The following LAMA1 variants were observed in gnomAD, a reference collection of about 807,000 sequenced individuals.
LAMA1 encodes laminin subunit alpha 1.
Under a neutral mutation model 348.7 loss-of-function variants are expected in LAMA1, and 219 were observed. The observed-to-expected ratio is 0.63, with a 90% CI of 0.56 to 0.70. LAMA1 has a LOEUF of 0.70. Ranked by LOEUF, LAMA1 falls within the 30% of genes least tolerant of loss-of-function variation. The probability of loss-of-function intolerance (pLI) is 0.00; values close to 1 mark genes in which losing one functional copy is unlikely to be tolerated. For missense variants in LAMA1, 3,744 were observed against 3,888.0 expected, an observed-to-expected ratio of 0.96 and a Z score of 0.99; for synonymous variants, 1,487 against 1,491.0, an observed-to-expected ratio of 1.00 and a Z score of 0.06.
intron 55 of LAMA1, chr18:6,957,187 T>C (rs1020995780): frequency 2.3e-5 from 7 of 300,112 alleles, no homozygotes; most frequent in African/African-American, 1.5e-4. Flanking sequence ...GGGCTACGCT[T>C]GTCACATGCA....
chr18:7,098,728 G>GC (rs540089633), intron 1 of LAMA1, among the ~76,000 whole-genome samples: 2,740 of 144,514 alleles, frequency 0.019, 105 homozygotes, highest in African/African-American at 0.067. Flanking sequence ...GGGGGGGTCA[G>GC]CCCCCCGCCC....
chr18:7,010,682 C>A (rs1156593748), intron 25 of LAMA1, among the ~76,000 whole-genome samples: 1 of 152,178 alleles, frequency 6.6e-6, no homozygotes, highest in East Asian at 1.9e-4. Context: ...ATTTCTCTAT[C>A]TCCAGGAGCA....
At chr18:7,024,018 T>C (rs1330274504) in intron 18 of LAMA1, among the ~76,000 whole-genome samples, 1 of 151,760 alleles carries the variant, frequency 6.6e-6, no homozygotes, top group African/African-American at 2.4e-5. Flanking sequence ...GTTTTTTTTT[T>C]CTTTTTGTAG....
intron 39 of LAMA1, among the ~76,000 whole-genome samples, chr18:6,983,576 G>A (rs764510026): frequency 2.0e-5 from 3 of 152,140 alleles, no homozygotes; most frequent in Non-Finnish European, 2.9e-5. Flanking sequence ...TGTCTAGGGC[G>A]CCACTGCATG....
chr18:7,014,993 C>T (rs796939580), intron 22 of LAMA1, among the ~76,000 whole-genome samples: 1 of 151,876 alleles, frequency 6.6e-6, no homozygotes, highest in Non-Finnish European at 1.5e-5. Flanking sequence ...ACTACAGGCG[C>T]CCATCACCAC....
intron 4 of LAMA1, 48 bp from the exon 5 acceptor site, chr18:7,049,305 T>G: frequency 6.5e-7 from 1 of 1,539,030 alleles, no homozygotes; most frequent in South Asian, 1.1e-5. Flanking sequence ...GTTTATTTAT[T>G]TATTTATTTT....
At chr18:6,957,025 C>A in intron 55 of LAMA1, 2 of 454,400 alleles carry the variant, frequency 4.4e-6, no homozygotes, top group Non-Finnish European at 8.1e-6. Context: ...CTGAGCACCC[C>A]CCAGGTCAGC....
intron 18 of LAMA1, 99 bp from the exon 19 acceptor site, chr18:7,023,474 C>T (rs2057927822): frequency 2.1e-6 from 2 of 958,550 alleles, no homozygotes; most frequent in Non-Finnish European, 3.3e-6. Flanking sequence ...ATCAGACGGA[C>T]TCTGTTCCCT....
At chr18:7,110,034 A>T (rs2058329522) in intron 1 of LAMA1, among the ~76,000 whole-genome samples, 1 of 152,102 alleles carries the variant, frequency 6.6e-6, no homozygotes, top group Admixed American at 6.6e-5. Flanking sequence ...TACAAAAATT[A>T]GCAGGGTGTA....
At chr18:7,044,018 T>G (rs921386039) in intron 7 of LAMA1, among the ~76,000 whole-genome samples, 1 of 151,740 alleles carries the variant, frequency 6.6e-6, no homozygotes, top group African/African-American at 2.4e-5. Flanking sequence ...TAGCCGGGTG[T>G]GGTGGTGGGC....
intron 27 of LAMA1, 57 bp downstream of exon 27, chr18:7,009,182 T>C (rs1200601354): frequency 2.5e-6 from 4 of 1,604,990 alleles, no homozygotes; most frequent in Non-Finnish European, 3.4e-6. Flanking sequence ...AGTCAAATTC[T>C]TTCAGTTTGC....
rs747490574 is a variant in LAMA1 at position 6,965,258 on chromosome 18, G to A, written c.7195+30C>T. On this transcript the variant is annotated intron_variant, in intron 50 of 62. Transcript: ENST00000389658. ...GATTTCTATTCTTATGAGGGTGACC[G>A]ACATCTGGTGAGTCCATCTGTGTCC... The A allele has an allele frequency of 5.6e-6, 9 of 1,613,746 alleles. No homozygotes were observed. In the East Asian group the frequency reaches 6.7e-5, roughly 12 times the overall value.
chr18:6,966,035 T>C, intron 49 of LAMA1, 112 bp downstream of exon 49: 1 of 1,156,192 alleles, frequency 8.6e-7, no homozygotes, highest in Admixed American at 2.1e-5. Context: ...AAAAATTGTA[T>C]GGTATACATA....
intron 19 of LAMA1, among the ~76,000 whole-genome samples, chr18:7,022,220 G>A (rs1009187006): frequency 6.6e-6 from 1 of 152,068 alleles, no homozygotes; most frequent in African/African-American, 2.4e-5. Context: ...GGGAAATACC[G>A]GACACTTAAT....
chr18:7,014,006 C>T lies in LAMA1; in HGVS notation c.3172G>A (p.Val1058Met). 1 of 1,613,976 alleles carries T rather than the reference C, an allele frequency of 6.2e-7. No individual in the cohort carries two copies. Among genetic ancestry groups the T allele is most frequent in the African/African-American group, 1.3e-5 (1 of 75,046 alleles). The change falls in exon 23 of 63, where the codon GTG becomes ATG. Residue 1058 changes from valine to methionine, a missense_variant. Physicochemically the swap from Val to Met is conservative, Grantham distance 21 (BLOSUM62 1). Around this residue, in one of 3 missense-constraint regions of LAMA1, gnomAD observed 1,529 missense variants for 1,689.4 expected, o/e 0.91. Transcript: ENST00000389658. Reference sequence around the variant, plus strand: ...TTGCACTGGCAATGGCCGGTGACCACATCGCACCGATGATGAGTCGACCCC... The same window carrying T: ...TTGCACTGGCAATGGCCGGTGACCATATCGCACCGATGATGAGTCGACCCC... ...LVGSTHHRCDVVTGHCQCKSK... is the reference protein window; with the variant it reads ...LVGSTHHRCDMVTGHCQCKSK...
chr18:7,008,185 G>T lies in LAMA1; in HGVS notation c.4122+303C>A, dbSNP rs1396714516. On this transcript the variant is annotated intron_variant, in intron 28 of 62. Transcript: ENST00000389658. ...TGGGGCACTGGGGAGAGAGGAAATGGGGAGCTAGTGTTTAATGAGTGCAGA... is the reference window on the plus strand; with the variant it reads ...TGGGGCACTGGGGAGAGAGGAAATGTGGAGCTAGTGTTTAATGAGTGCAGA... 2.6e-5 allele frequency among the ~76,000 whole-genome samples: 4 copies of T among 152,004 alleles called. No homozygotes were observed. The East Asian group carries it at 7.8e-4, about 29-fold the overall frequency.
chr18:7,048,394 A>G (rs180931113), intron 5 of LAMA1, among the ~76,000 whole-genome samples: 4 of 152,230 alleles, frequency 2.6e-5, no homozygotes, highest in Admixed American at 2.6e-4. Context: ...TGGTCAGACT[A>G]CAAAAACGGA....
At chr18:7,036,702 A>AG (rs2057996418) in intron 12 of LAMA1, among the ~76,000 whole-genome samples, 1 of 152,226 alleles carries the variant, frequency 6.6e-6, no homozygotes, top group Non-Finnish European at 1.5e-5. Context: ...CACATGTTCT[A>AG]GGATTATAAT....
Position 7,012,925 on chromosome 18 carries a change from T to G in LAMA1, c.3364-787A>C, listed in dbSNP as rs2057868046. 1.3e-5 allele frequency among the ~76,000 whole-genome samples: 2 copies of G among 150,254 alleles called. 1 individual carries two copies. Among genetic ancestry groups the G allele is most frequent in the South Asian group, 4.3e-4 (2 of 4,670 alleles). ...CTGTAATCCCAGCACTTTGGGAGGTTGAGGCAGAGGGATCACCTGAGGTCA... is the reference window on the plus strand; with the variant it reads ...CTGTAATCCCAGCACTTTGGGAGGTGGAGGCAGAGGGATCACCTGAGGTCA... On this transcript the variant is annotated intron_variant, in intron 23 of 62. Transcript: ENST00000389658.
Sources: gnomAD v4.1 joint callset for allele counts (sites outside exome capture counted in the v4.1 genomes callset) on GRCh38, gnomAD v4.1.1 for gene constraint, gnomAD v4.1.1 regional missense constraint, MANE v1.5 for transcripts, NCBI Gene and HGNC (gene_info 2026-07-23, HGNC 2026-07-21) for gene names.